ESM1: variants seen among roughly 807,000 people sequenced by gnomAD.
ESM1 encodes the protein endothelial cell-specific molecule 1.
ESM1 carries 7 observed loss-of-function variants against 14.9 expected under a neutral mutation model. That is an observed-to-expected ratio of 0.47 (90% CI 0.27 to 0.88). ESM1 has a LOEUF of 0.88. Ranked by LOEUF, ESM1 falls within the 40% of genes least tolerant of loss-of-function variation. The pLI is 0.14. For synonymous variants in ESM1, 89 were observed against 89.4 expected, an observed-to-expected ratio of 1.00 and a Z score of 0.02; for missense variants, 192 against 237.9, an observed-to-expected ratio of 0.81 and a Z score of 1.27.
intron 2 of ESM1, 116 bp downstream of exon 2, chr5:54,981,881 G>C (rs1744059042): frequency 1.7e-6 from 2 of 1,153,144 alleles, no homozygotes; most frequent in Non-Finnish European, 2.5e-6. Flanking sequence ...CCTGAGTAAA[G>C]CAAAGGAAAT....
chr5:54,985,165 T>C (rs1232446224), intron 1 of ESM1, 52 bp downstream of exon 1: 1 of 1,521,624 alleles, frequency 6.6e-7, no homozygotes, highest in African/African-American at 1.4e-5. Flanking sequence ...CCAAGCTGGC[T>C]AAAAGCTCTC....
At position 54,984,316 on chromosome 5, in the gene ESM1, T is replaced by C. The variant is rs192705992; in HGVS notation, c.301+901A>G. The stretch of plus-strand genomic sequence containing the variant: ...AACTGATGGATGGGGTTATAGCATG[T>C]GTTGCTTCTTAATAATAGCTCTTCA... On this transcript the variant is annotated intron_variant, in intron 1 of 2. Coordinates refer to ENST00000381405, the MANE Select transcript of ESM1 (RefSeq NM_007036.5). Among the ~76,000 whole-genome samples, 228 of 152,306 alleles carry C rather than the reference T, an allele frequency of 1.5e-3. 3 individuals carry two copies. Among genetic ancestry groups the C allele is most frequent in the Admixed American group, 0.011 (174 of 15,310 alleles).
chr5:54,978,324 A>G lies in ESM1; in HGVS notation c.*1008T>C, dbSNP rs554326252. On this transcript the variant is annotated 3_prime_UTR_variant, in exon 3 of 3. Coordinates refer to ENST00000381405, the MANE Select transcript of ESM1 (RefSeq NM_007036.5). Reference sequence around the variant, plus strand: ...GACCCTCTGTTGCTCATTTTTTGACATTTTTGAAATCCAGAGTGACTCTGT... The same window carrying G: ...GACCCTCTGTTGCTCATTTTTTGACGTTTTTGAAATCCAGAGTGACTCTGT... 122 of 152,180 alleles carry G rather than the reference A, an allele frequency of 8.0e-4. No homozygotes were observed. The highest frequency in any genetic ancestry group is 2.9e-3 in the African/African-American group (120 of 41,534). The allele number at this position is 152,180 out of a possible 1,614,324, so 9.4% of individuals were successfully genotyped here.
At position 54,985,565 on chromosome 5, in the gene ESM1, G is replaced by A. The variant is rs772610837; in HGVS notation, c.-48C>T. The A allele has an allele frequency of 6.5e-7, 1 of 1,528,794 alleles. No individual in the cohort carries two copies. Among genetic ancestry groups the A allele is most frequent in the Non-Finnish European group, 8.8e-7 (1 of 1,130,336 alleles). 94.7% of individuals were successfully genotyped at this position (1,528,794 alleles called of 1,614,324 possible). ...GGCTCTCCAGTCGTGGTCTTTGCTG[G>A]TGGGAAGCAGCCGTCCAAACTGGTA... On this transcript the variant is annotated 5_prime_UTR_variant, in exon 1 of 3. Coordinates refer to ENST00000381405, the MANE Select transcript of ESM1 (RefSeq NM_007036.5).
intron 2 of ESM1, among the ~76,000 whole-genome samples, chr5:54,979,840 C>T (rs369808434): frequency 9.2e-5 from 14 of 152,194 alleles, no homozygotes; most frequent in African/African-American, 3.4e-4. Context: ...ACAAACAGGT[C>T]TCAAGTTAGA....
chr5:54,985,587 G>T lies in ESM1; in HGVS notation c.-70C>A. ...CTGGTGGGAAGCAGCCGTCCAAACT[G>T]GTAGCTGAGCCTCTGCCTACACGTT... On this transcript the variant is annotated 5_prime_UTR_variant, in exon 1 of 3. Transcript: ENST00000381405. The T allele has an allele frequency of 7.0e-7, 1 of 1,421,854 alleles. No individual in the cohort carries two copies. Among genetic ancestry groups the T allele is most frequent in the Non-Finnish European group, 9.6e-7 (1 of 1,046,550 alleles). 88.1% of individuals were successfully genotyped at this position (1,421,854 alleles called of 1,614,324 possible). A position where few individuals can be genotyped will look rare whatever the true frequency, so the allele number is the denominator to read the frequency against.
Position 54,979,452 on chromosome 5 carries a change from T to C in ESM1, c.452-17A>G, listed in dbSNP as rs748615805. 17 of 1,533,248 alleles carry C rather than the reference T, an allele frequency of 1.1e-5. No homozygotes were observed. The East Asian group carries it at 2.0e-4, about 18-fold the overall frequency. The allele number at this position is 1,533,248 out of a possible 1,614,324, so 95.0% of individuals were successfully genotyped here. A position where few individuals can be genotyped will look rare whatever the true frequency, so the allele number is the denominator to read the frequency against. On this transcript the variant is annotated splice_polypyrimidine_tract_variant and intron_variant, in intron 2 of 2. Coordinates refer to ENST00000381405, the MANE Select transcript of ESM1 (RefSeq NM_007036.5). ...TGTCATGCTCTGAAAGTAGACGGAA[T>C]ACAAATCATGTCCAAACATCTATAG...
In ESM1 at chr5:54,979,175, A is replaced by G; in HGVS notation, c.*157T>C. 1.6e-6 allele frequency: 1 copy of G among 621,056 alleles called. No individual in the cohort carries two copies. The highest frequency in any genetic ancestry group is 2.9e-6 in the Non-Finnish European group (1 of 344,262). 38.5% of individuals were successfully genotyped at this position (621,056 alleles called of 1,614,324 possible). ...CAGTCATATGGATGTTATGGATTGTAAGTATCCTACTTTTTGTTTTCTGGA... is the reference window on the plus strand; with the variant it reads ...CAGTCATATGGATGTTATGGATTGTGAGTATCCTACTTTTTGTTTTCTGGA... On this transcript the variant is annotated 3_prime_UTR_variant, in exon 3 of 3. Coordinates refer to ENST00000381405, the MANE Select transcript of ESM1 (RefSeq NM_007036.5).
intron 1 of ESM1, among the ~76,000 whole-genome samples, chr5:54,983,329 G>T (rs1740432626): frequency 6.6e-6 from 1 of 152,216 alleles, no homozygotes; most frequent in Non-Finnish European, 1.5e-5. Flanking sequence ...TGTGCCTGCA[G>T]CGATATTGAA....
chr5:54,979,754 A>G (rs970069834), intron 2 of ESM1, among the ~76,000 whole-genome samples: 5 of 152,188 alleles, frequency 3.3e-5, no homozygotes, highest in African/African-American at 1.2e-4. Flanking sequence ...GCTCACTGCT[A>G]TATCTCCAGC....
chr5:54,979,708 A>G (rs1744013793), intron 2 of ESM1, among the ~76,000 whole-genome samples: 1 of 152,188 alleles, frequency 6.6e-6, no homozygotes, highest in South Asian at 2.1e-4. Context: ...CTCCACCACT[A>G]GAATTCCAGT....
At position 54,979,354 on chromosome 5, in the gene ESM1, C is replaced by T. The variant is rs1744005890; in HGVS notation, c.533G>A (p.Arg178Lys). 1.2e-6 allele frequency: 2 copies of T among 1,613,548 alleles called. No homozygotes were observed. The highest frequency in any genetic ancestry group is 8.5e-7 in the Non-Finnish European group (1 of 1,179,526). The change falls in exon 3 of 3, where the codon AGG (arginine) becomes AAG (lysine). Residue 178 changes from arginine to lysine, a missense_variant. Transcript: ENST00000381405. The stretch of plus-strand genomic sequence containing the variant: ...GGATCAGCGTGGATTTAACCATTTC[C>T]TCATTACGGGAGACCCGGCAGCATT... The part of the protein sequence containing the change: ...KENAAGSPVM[R>K]KWLNPR
In ESM1 at chr5:54,979,334, A is replaced by G; in HGVS notation, c.553T>C (p.Ter185ArgextTer4). The G allele has an allele frequency of 1.9e-6, 3 of 1,609,144 alleles. No individual in the cohort carries two copies. In the South Asian group the frequency reaches 3.3e-5, roughly 18 times the overall value. Residue 185 changes from the stop codon to arginine, a stop_lost, in exon 3 of 3, where the codon TGA becomes CGA. Coordinates refer to ENST00000381405, the MANE Select transcript of ESM1 (RefSeq NM_007036.5). Reference sequence around the variant, plus strand: ...TCTCTCAGAAATCACAGCCGGGATCAGCGTGGATTTAACCATTTCCTCATT... The same window carrying G: ...TCTCTCAGAAATCACAGCCGGGATCGGCGTGGATTTAACCATTTCCTCATT... The part of the protein sequence containing the change: ...PVMRKWLNPR[*>R]
At chr5:54,983,460 G>A (rs1740437414) in intron 1 of ESM1, among the ~76,000 whole-genome samples, 1 of 152,178 alleles carries the variant, frequency 6.6e-6, no homozygotes, top group African/African-American at 2.4e-5. Flanking sequence ...GTTAATCTGG[G>A]CAAGATGTTC....
intron 1 of ESM1, among the ~76,000 whole-genome samples, chr5:54,982,593 T>A (rs540404543): frequency 6.6e-6 from 1 of 152,340 alleles, no homozygotes; most frequent in Admixed American, 6.5e-5. Flanking sequence ...TAATTTACTA[T>A]TTTAAGTGTA....
In ESM1 at chr5:54,982,147, C is replaced by G; in HGVS notation, c.302-1G>C. ...ATCCCGAAGGTGCCGTAGGGACAGT[C>G]TGGGGACAAAGGAAAGGTTGGAGAG... On this transcript the variant is annotated splice_acceptor_variant, in intron 1 of 2. Transcript: ENST00000381405. LOFTEE classifies it high-confidence loss of function. The G allele has an allele frequency of 1.9e-6, 3 of 1,613,590 alleles. No homozygotes were observed. Among genetic ancestry groups the G allele is most frequent in the Non-Finnish European group, 2.5e-6 (3 of 1,179,770 alleles).
At chr5:54,983,136 G>C (rs984242617) in intron 1 of ESM1, among the ~76,000 whole-genome samples, 1 of 152,124 alleles carries the variant, frequency 6.6e-6, no homozygotes, top group Admixed American at 6.5e-5. Flanking sequence ...TCCACTAACT[G>C]ACCAAGTAGA....
rs1321630129 is a variant in ESM1, at chr5:54,978,526, T to TA, written c.*805dup. 6.6e-6 allele frequency: 1 copy of TA among 152,096 alleles called. No individual in the cohort carries two copies. Among genetic ancestry groups the TA allele is most frequent in the Admixed American group, 6.6e-5 (1 of 15,266 alleles). 9.4% of individuals were successfully genotyped at this position (152,096 alleles called of 1,614,324 possible). ...TATGGGTAGGGAAGATGACTTGCAC[T>TA]AACACATTTATTTATAAAAATATAT... On this transcript the variant is annotated 3_prime_UTR_variant, in exon 3 of 3. Transcript: ENST00000381405.
At chr5:54,982,756 G>A (rs1365857362) in intron 1 of ESM1, among the ~76,000 whole-genome samples, 2 of 151,968 alleles carry the variant, frequency 1.3e-5, no homozygotes, top group Admixed American at 6.5e-5. Context: ...TAGTTAAGAG[G>A]GCTCCCTAGT....
Sources: allele counts gnomAD v4.1 joint callset (sites outside exome capture counted in the v4.1 genomes callset), GRCh38; gene constraint gnomAD v4.1.1; transcripts MANE v1.5; gene names NCBI Gene and HGNC (gene_info 2026-07-23, HGNC 2026-07-21).